SGCZ: variants seen among roughly 807,000 people sequenced by gnomAD.
SGCZ encodes the protein zeta-sarcoglycan.
Under a neutral mutation model 41.3 loss-of-function variants are expected in SGCZ, and 40 were observed. The ratio of observed to expected loss-of-function variants is 0.97; its 90% CI spans 0.75 to 1.26. SGCZ has a LOEUF of 1.26. SGCZ is among the 50% of genes most tolerant of loss of function. The probability of loss-of-function intolerance (pLI) is 0.00; values close to 1 mark genes in which losing one functional copy is unlikely to be tolerated. For synonymous variants in SGCZ, 206 were observed against 137.5 expected, an observed-to-expected ratio of 1.50 and a Z score of -3.49; for missense variants, 552 against 369.8, an observed-to-expected ratio of 1.49 and a Z score of -4.04.
chr8:14,391,934 T>C (rs1309764976), intron 2 of SGCZ, among the ~76,000 whole-genome samples: 1 of 152,008 alleles, frequency 6.6e-6, no homozygotes, highest in East Asian at 1.9e-4. Context: ...AATTCACTAT[T>C]GCAAGGACAG....
At chr8:15,037,806 A>T (rs1442234369) in intron 1 of SGCZ, among the ~76,000 whole-genome samples, 1 of 152,204 alleles carries the variant, frequency 6.6e-6, no homozygotes, top group African/African-American at 2.4e-5. Flanking sequence ...CAACATATCA[A>T]TGTCAGTAGT....
At chr8:14,229,497 C>A (rs1806486454) in intron 4 of SGCZ, among the ~76,000 whole-genome samples, 1 of 151,990 alleles carries the variant, frequency 6.6e-6, no homozygotes, top group Non-Finnish European at 1.5e-5. Context: ...ATAATGAACT[C>A]AAAATCAACA....
chr8:14,788,331 C>A (rs576369580), intron 1 of SGCZ, among the ~76,000 whole-genome samples: 1 of 152,242 alleles, frequency 6.6e-6, no homozygotes, highest in African/African-American at 2.4e-5. Flanking sequence ...GGAAAGGGAA[C>A]CTTGGGCGAT....
At chr8:14,274,848 AATTATG>A (rs936533573) in intron 3 of SGCZ, among the ~76,000 whole-genome samples, 4 of 152,074 alleles carry the variant, frequency 2.6e-5, no homozygotes, top group Non-Finnish European at 4.4e-5. Context: ...TAATAGTGAT[AATTATG>A]ATTATAATAC....
In SGCZ at chr8:14,373,593, A is replaced by C. The variant is rs150270204; in HGVS notation, c.235-49389T>G. Among the ~76,000 whole-genome samples the C allele has an allele frequency of 9.2e-3, 1,377 of 150,312 alleles. 14 individuals are homozygous for C. The highest frequency in any genetic ancestry group is 0.02 in the African/African-American group (811 of 39,668). On this transcript the variant is annotated intron_variant, in intron 2 of 7. Transcript: ENST00000382080. ...AAATTAAACAAAGTATAGTACCCTA[A>C]AAAACAAAATCAAAAACAATTTTGA...
chr8:14,910,869 G>A (rs902642217), intron 1 of SGCZ, among the ~76,000 whole-genome samples: 7 of 151,896 alleles, frequency 4.6e-5, no homozygotes, highest in Non-Finnish European at 1.0e-4. Flanking sequence ...AGAAGCAAAA[G>A]TTGAATACAT....
intron 1 of SGCZ, among the ~76,000 whole-genome samples, chr8:15,147,497 C>T (rs972883963): frequency 2.0e-5 from 3 of 152,184 alleles, no homozygotes; most frequent in Non-Finnish European, 2.9e-5. Context: ...AGGCTGGTCT[C>T]GAACTCCTGA....
intron 1 of SGCZ, among the ~76,000 whole-genome samples, chr8:14,694,159 C>T (rs1302854388): frequency 2.0e-5 from 3 of 152,110 alleles, no homozygotes; most frequent in Non-Finnish European, 2.9e-5. Flanking sequence ...ACCCTTAGCA[C>T]ACAATAAGCA....
At chr8:14,510,485 G>A (rs942949294) in intron 2 of SGCZ, among the ~76,000 whole-genome samples, 1 of 151,960 alleles carries the variant, frequency 6.6e-6, no homozygotes, top group South Asian at 2.1e-4. Flanking sequence ...AACAACAGAT[G>A]TCACAGATTT....
chr8:14,447,904 C>T (rs1393445371), intron 2 of SGCZ, among the ~76,000 whole-genome samples: 4 of 152,092 alleles, frequency 2.6e-5, no homozygotes, highest in African/African-American at 9.7e-5. Context: ...TGCAAATCAC[C>T]TCATATGACT....
chr8:14,284,657 C>G (rs778046919), intron 3 of SGCZ, among the ~76,000 whole-genome samples: 1 of 151,796 alleles, frequency 6.6e-6, no homozygotes, highest in Non-Finnish European at 1.5e-5. Context: ...ACTTTATTTC[C>G]CTTTGTCCCA....
At chr8:14,441,625 G>C (rs935806827) in intron 2 of SGCZ, among the ~76,000 whole-genome samples, 2 of 152,120 alleles carry the variant, frequency 1.3e-5, no homozygotes, top group Non-Finnish European at 2.9e-5. Flanking sequence ...CATTTCTGGA[G>C]TTAGAGTTCT....
At chr8:15,210,822 C>G (rs934232218) in intron 1 of SGCZ, among the ~76,000 whole-genome samples, 2 of 152,074 alleles carry the variant, frequency 1.3e-5, no homozygotes, top group African/African-American at 4.8e-5. Context: ...CTCCTATTGG[C>G]CGTTTCTTAC....
chr8:14,170,187 C>G (rs753393266), intron 4 of SGCZ, among the ~76,000 whole-genome samples: 3 of 151,400 alleles, frequency 2.0e-5, no homozygotes, highest in East Asian at 1.9e-4. Flanking sequence ...CATCTCCCCC[C>G]GCACCGAATC....
intron 1 of SGCZ, among the ~76,000 whole-genome samples, chr8:15,178,717 A>G (rs1800071627): frequency 6.6e-6 from 1 of 152,216 alleles, no homozygotes; most frequent in Non-Finnish European, 1.5e-5. Context: ...CATGGACTTC[A>G]GACAACCTCT....
intron 1 of SGCZ, among the ~76,000 whole-genome samples, chr8:14,813,410 T>C (rs1253874941): frequency 6.6e-6 from 1 of 151,760 alleles, no homozygotes; most frequent in Non-Finnish European, 1.5e-5. Flanking sequence ...GAAGAGAGAG[T>C]GGGCAGGTTA....
At chr8:15,144,608 C>T (rs1798988085) in intron 1 of SGCZ, among the ~76,000 whole-genome samples, 1 of 152,056 alleles carries the variant, frequency 6.6e-6, no homozygotes, top group African/African-American at 2.4e-5. Context: ...AATACAGGCA[C>T]ATGCCGCCAC....
chr8:14,877,636 T>C (rs916742049), intron 1 of SGCZ, among the ~76,000 whole-genome samples: 3 of 152,154 alleles, frequency 2.0e-5, no homozygotes, highest in Non-Finnish European at 4.4e-5. Context: ...TTCTCTATCA[T>C]GTTGATTTTC....
rs28480304 is a variant in SGCZ, at chr8:14,308,434, G to A, written c.336+15669C>T. ...CTTTTGATTAGTCTACTGAGTGTAC[G>A]ACAAGAAAAGCACAGAATGACCGAG... On this transcript the variant is annotated intron_variant, in intron 3 of 7. Transcript: ENST00000382080. Among the ~76,000 whole-genome samples the A allele has an allele frequency of 8.9e-3, 1,354 of 152,068 alleles. 24 individuals are homozygous for A. The highest frequency in any genetic ancestry group is 0.031 in the African/African-American group (1,286 of 41,484).
Sources: gnomAD v4.1 joint callset for allele counts (sites outside exome capture counted in the v4.1 genomes callset) on GRCh38, gnomAD v4.1.1 for gene constraint, MANE v1.5 for transcripts, NCBI Gene and HGNC (gene_info 2026-07-23, HGNC 2026-07-21) for gene names.